Variants in FAT3 observed in about 807,000 individuals in gnomAD.
The protein encoded by FAT3 is protocadherin Fat 3.
Under a neutral mutation model 310.2 loss-of-function variants are expected in FAT3, and 95 were observed. That is an observed-to-expected ratio of 0.31 (90% CI 0.26 to 0.36). FAT3 has a LOEUF of 0.36. Ranked by LOEUF, FAT3 falls within the 10% of genes least tolerant of loss-of-function variation. FAT3 has a pLI of 1.00. For missense variants in FAT3, 5,408 were observed against 5,715.6 expected (o/e 0.95, Z 1.74); for synonymous variants, 2,314 against 2,192.9 (o/e 1.06, Z -1.54).
intron 19 of FAT3, among the ~76,000 whole-genome samples, chr11:92,850,945 AC>A (rs1310237407): frequency 6.6e-6 from 1 of 152,134 alleles, no homozygotes; most frequent in Non-Finnish European, 1.5e-5. Context: ...ACAGAAAGTG[AC>A]CTAAATTTCC....
intron 2 of FAT3, among the ~76,000 whole-genome samples, chr11:92,488,256 C>T (rs1448090154): frequency 6.6e-6 from 1 of 152,064 alleles, no homozygotes; most frequent in East Asian, 1.9e-4. Context: ...AGTGATTCTT[C>T]CCATGTTGAA....
intron 7 of FAT3, among the ~76,000 whole-genome samples, chr11:92,784,071 T>C (rs1022242888): frequency 9.2e-5 from 14 of 152,214 alleles, no homozygotes; most frequent in Non-Finnish European, 5.9e-5. Flanking sequence ...ACGGAAATGA[T>C]AGGATGGGGT....
intron 2 of FAT3, among the ~76,000 whole-genome samples, chr11:92,499,522 G>C (rs1043551972): frequency 1.3e-5 from 2 of 152,116 alleles, no homozygotes; most frequent in East Asian, 1.9e-4. Context: ...GTAGGTGTTT[G>C]ACATAGGCAG....
intron 2 of FAT3, among the ~76,000 whole-genome samples, chr11:92,416,464 G>A (rs1950416281): frequency 6.6e-6 from 1 of 151,968 alleles, no homozygotes; most frequent in Admixed American, 6.6e-5. Flanking sequence ...TGACACTCAA[G>A]TTAGTGTATT....
chr11:92,539,432 A>G (rs1036503226), intron 3 of FAT3, among the ~76,000 whole-genome samples: 15 of 152,164 alleles, frequency 9.9e-5, no homozygotes, highest in South Asian at 4.1e-4. Context: ...AACTCTATCA[A>G]TCTTTTGCTG....
At chr11:92,420,060 A>C (rs967997105) in intron 2 of FAT3, among the ~76,000 whole-genome samples, 7 of 152,214 alleles carry the variant, frequency 4.6e-5, no homozygotes, top group African/African-American at 1.7e-4. Flanking sequence ...GGGTCAACAA[A>C]GTAAAGCCTG....
chr11:92,690,780 A>T (rs143677061), intron 3 of FAT3, among the ~76,000 whole-genome samples: 1 of 152,170 alleles, frequency 6.6e-6, no homozygotes, highest in African/African-American at 2.4e-5. Context: ...GTCCATATGT[A>T]AATACTGCAG....
intron 6 of FAT3, among the ~76,000 whole-genome samples, chr11:92,765,477 T>A (rs1565576992): frequency 6.6e-6 from 1 of 152,150 alleles, no homozygotes; most frequent in South Asian, 2.1e-4. Context: ...TGTTCTTTTT[T>A]TTTTCTGCTC....
At position 92,635,082 on chromosome 11, in the gene FAT3, A is replaced by G. The variant is rs189607248; in HGVS notation, c.3608-62302A>G. 6.2e-4 allele frequency among the ~76,000 whole-genome samples: 94 copies of G among 152,296 alleles called. 1 individual carries two copies. The highest frequency in any genetic ancestry group is 6.8e-4 in the Non-Finnish European group (46 of 68,030). ...CAAGATGGTGAGAAACGATATGCCT[A>G]TTGTTTAGACTATCCAGTCTGTGGT... On this transcript the variant is annotated intron_variant, in intron 3 of 27. Coordinates refer to ENST00000525166, the MANE Select transcript of FAT3 (RefSeq NM_001367949.2).
intron 3 of FAT3, among the ~76,000 whole-genome samples, chr11:92,561,870 C>G (rs945218965): frequency 1.3e-5 from 2 of 152,260 alleles, no homozygotes; most frequent in East Asian, 3.9e-4. Context: ...AAGTGATCCA[C>G]CCATCTCAGC....
At chr11:92,724,390 G>T (rs565885079) in intron 4 of FAT3, among the ~76,000 whole-genome samples, 1 of 152,256 alleles carries the variant, frequency 6.6e-6, no homozygotes, top group Admixed American at 6.5e-5. Flanking sequence ...TATTTTACTG[G>T]TCAAAGCAAG....
chr11:92,349,027 G>A (rs1948489984), intron 1 of FAT3, among the ~76,000 whole-genome samples: 1 of 152,146 alleles, frequency 6.6e-6, no homozygotes, highest in Non-Finnish European at 1.5e-5. Context: ...AAGTGTGAAT[G>A]AGGGGGCAGA....
At chr11:92,778,961 G>C (rs369308971) in intron 7 of FAT3, among the ~76,000 whole-genome samples, 2 of 152,094 alleles carry the variant, frequency 1.3e-5, no homozygotes, top group South Asian at 4.2e-4. Flanking sequence ...GGAGAAAGGG[G>C]TACTACCAGT....
chr11:92,555,453 GC>G, intron 3 of FAT3, among the ~76,000 whole-genome samples: 1 of 152,298 alleles, frequency 6.6e-6, no homozygotes, highest in Middle Eastern at 3.4e-3. Context: ...TAAGCCAAGT[GC>G]CCTCTGGGAT....
chr11:92,419,946 A>T (rs191427310), intron 2 of FAT3, among the ~76,000 whole-genome samples: 144 of 152,326 alleles, frequency 9.5e-4, no homozygotes, highest in Middle Eastern at 3.4e-3. Flanking sequence ...AATTTGGTTT[A>T]TATAAGAAAT....
At chr11:92,768,300 C>T (rs935306726) in intron 6 of FAT3, among the ~76,000 whole-genome samples, 5 of 152,164 alleles carry the variant, frequency 3.3e-5, no homozygotes, top group Admixed American at 3.3e-4. Context: ...ACTTACTGGG[C>T]CAGATGCCCA....
intron 4 of FAT3, among the ~76,000 whole-genome samples, chr11:92,735,370 G>A (rs1303611237): frequency 6.6e-6 from 1 of 152,074 alleles, no homozygotes; most frequent in Non-Finnish European, 1.5e-5. Context: ...AATGTCATTT[G>A]CATTAAGACC....
At chr11:92,229,507 G>GTTTTTTTTTTT (rs1565339350) in intron 1 of FAT3, among the ~76,000 whole-genome samples, 1 of 58,156 alleles carries the variant, frequency 1.7e-5, no homozygotes, top group Admixed American at 3.1e-4. Context: ...TTTTTTTTTT[G>GTTTTTTTTTTT]TTTTTTGTTT....
Position 92,352,184 on chromosome 11 carries a change from G to A in FAT3, c.72G>A (p.Lys24=). ...PACCLILLLF[K]LLATVSQGLP... is the part of the protein sequence containing the mutation. ...GTTGCCTCATCCTCCTGCTTTTCAA[G>A]CTTTTGGCCACTGTCTCCCAGGGGC... Residue 24 remains lysine (K), a synonymous_variant, in exon 2 of 28, where the codon AAG becomes AAA. Coordinates refer to ENST00000525166, the MANE Select transcript of FAT3 (RefSeq NM_001367949.2). 2 of 1,373,534 alleles carry A rather than the reference G, an allele frequency of 1.5e-6. No homozygotes were observed. The highest frequency in any genetic ancestry group is 1.9e-6 in the Non-Finnish European group (2 of 1,026,328). 85.1% of individuals were successfully genotyped at this position (1,373,534 alleles called of 1,614,324 possible). A position where few individuals can be genotyped will look rare whatever the true frequency, so the allele number is the denominator to read the frequency against.
Sources: gnomAD v4.1 joint callset for allele counts (sites outside exome capture counted in the v4.1 genomes callset) on GRCh38, gnomAD v4.1.1 for gene constraint, MANE v1.5 for transcripts, NCBI Gene and HGNC (gene_info 2026-07-23, HGNC 2026-07-21) for gene names.